The following KCNMA1 variants were observed in gnomAD, a reference collection of about 807,000 sequenced individuals.
The protein encoded by KCNMA1 is Calcium-activated potassium channel subunit alpha-1.
Under a neutral mutation model 140.0 loss-of-function variants are expected in KCNMA1, and 29 were observed. The observed-to-expected ratio is 0.21, with a 90% CI of 0.15 to 0.28. KCNMA1 has a LOEUF of 0.28. KCNMA1 is among the 10% of genes least tolerant of loss of function. KCNMA1 has a pLI of 1.00. For missense variants in KCNMA1, 880 were observed against 1,602.2 expected (o/e 0.55, Z 7.70); for synonymous variants, 612 against 611.9 (o/e 1.00, Z 0.00).
chr10:77,116,298 T>C (rs1001975824), intron 6 of KCNMA1, among the ~76,000 whole-genome samples: 2 of 152,138 alleles, frequency 1.3e-5, no homozygotes, highest in African/African-American at 4.8e-5. Context: ...GGCACAGGAT[T>C]CTTGTAGATT....
intron 23 of KCNMA1, among the ~76,000 whole-genome samples, chr10:76,943,737 T>C (rs1436132355): frequency 1.3e-5 from 2 of 152,186 alleles, no homozygotes; most frequent in Non-Finnish European, 2.9e-5. Flanking sequence ...AAGCAAATGT[T>C]AGAAGGCAGT....
intron 15 of KCNMA1, among the ~76,000 whole-genome samples, chr10:77,030,584 A>C: frequency 6.6e-6 from 1 of 152,190 alleles, no homozygotes; most frequent in East Asian, 1.9e-4. Flanking sequence ...AAAGATCTTC[A>C]TTGCTTTTAT....
intron 2 of KCNMA1, among the ~76,000 whole-genome samples, chr10:77,299,964 T>C (rs1303918623): frequency 6.6e-6 from 1 of 152,222 alleles, no homozygotes; most frequent in Admixed American, 6.5e-5. Flanking sequence ...GTAGGGAGGC[T>C]GTGTCCACTG....
rs147186625 is a variant in KCNMA1 at position 77,043,579 on chromosome 10, G to A, written c.1750-3942C>T. Among the ~76,000 whole-genome samples the A allele has an allele frequency of 4.8e-3, 731 of 152,272 alleles. 6 individuals are homozygous for A. Among genetic ancestry groups the A allele is most frequent in the African/African-American group, 0.017 (686 of 41,548 alleles). On this transcript the variant is annotated intron_variant, in intron 14 of 27. Coordinates refer to ENST00000286628, the MANE Select transcript of KCNMA1 (RefSeq NM_001161352.2). ...GCAGCATTAGTCATAATATCTAAGA[G>A]GTGGAAGCACCCCAAGTGTCCATGG...
intron 2 of KCNMA1, among the ~76,000 whole-genome samples, chr10:77,387,753 G>A (rs967196000): frequency 6.6e-6 from 1 of 151,986 alleles, no homozygotes; most frequent in Non-Finnish European, 1.5e-5. Context: ...AAGTAGCTGA[G>A]ACTACAGGTG....
intron 19 of KCNMA1, chr10:76,974,052 C>T (rs2076824413): frequency 1.3e-5 from 2 of 153,650 alleles, no homozygotes; most frequent in Admixed American, 1.3e-4. Context: ...AGCAAATAAA[C>T]TCAGAAACGT....
rs373677230 is a variant in KCNMA1, at chr10:77,637,667, G to A, written c.-25C>T. On this transcript the variant is annotated 5_prime_UTR_variant, in exon 1 of 28. Transcript: ENST00000286628. The stretch of plus-strand genomic sequence containing the variant: ...TAGCTAGCAACGGGCAGCCGGCGCA[G>A]GGGCTCGGGGGAGCTCCTCCCGCCG... 5.9e-5 allele frequency: 87 copies of A among 1,469,380 alleles called. No individual in the cohort carries two copies. The highest frequency in any genetic ancestry group is 4.8e-4 in the East Asian group (19 of 39,302). 91.0% of individuals were successfully genotyped at this position (1,469,380 alleles called of 1,614,324 possible).
intron 3 of KCNMA1, among the ~76,000 whole-genome samples, chr10:77,222,053 C>T (rs910103612): frequency 2.6e-5 from 4 of 152,060 alleles, no homozygotes; most frequent in African/African-American, 4.8e-5. Flanking sequence ...CAAAATAATA[C>T]GAGAAAGCAC....
rs548304782 is a variant in KCNMA1, at chr10:76,981,663, C to G, written c.2267-11596G>C. ...CCTTTCACCTGACTACTTGACCACC[C>G]TTGAAGGGACAGCCTAGGCTGCCTC... On this transcript the variant is annotated intron_variant, in intron 19 of 27. Transcript: ENST00000286628. Among the ~76,000 whole-genome samples the G allele has an allele frequency of 3.9e-5, 6 of 152,282 alleles. No homozygotes were observed. The South Asian group carries it at 1.2e-3, about 32-fold the overall frequency.
Position 77,496,218 on chromosome 10 carries a change from C to A in KCNMA1, c.379-92195G>T, listed in dbSNP as rs1439647083. On this transcript the variant is annotated intron_variant, in intron 1 of 27. Coordinates refer to ENST00000286628, the MANE Select transcript of KCNMA1 (RefSeq NM_001161352.2). ...TTGACAACAGAATCCTGTCTGTCAC[C>A]CTCCTCACCAGGTGCGGGTCTTCAA... is the stretch of plus-strand genomic sequence containing the variant. Among the ~76,000 whole-genome samples the A allele has an allele frequency of 2.0e-5, 3 of 152,246 alleles. No individual in the cohort carries two copies. The South Asian group carries it at 6.2e-4, about 32-fold the overall frequency.
chr10:77,184,483 G>C (rs958315381), intron 4 of KCNMA1, among the ~76,000 whole-genome samples: 2 of 152,202 alleles, frequency 1.3e-5, no homozygotes, highest in Non-Finnish European at 2.9e-5. Context: ...GCCTCCCAAA[G>C]CTGGGATTAC....
At chr10:77,404,425 C>T (rs971813539) in intron 1 of KCNMA1, among the ~76,000 whole-genome samples, 4 of 151,980 alleles carry the variant, frequency 2.6e-5, no homozygotes, top group Admixed American at 6.6e-5. Context: ...ATTACAGGCG[C>T]GCGGCCACCA....
At chr10:76,877,711 T>TAA (rs568061212), downstream of KCNMA1, 3 of 1,546,862 alleles carry the variant, frequency 1.9e-6, no homozygotes, top group Non-Finnish European at 2.6e-6. Flanking sequence ...TGTCAGGCTT[T>TAA]AAAAAAATAG....
intron 1 of KCNMA1, among the ~76,000 whole-genome samples, chr10:77,585,786 G>C (rs2077116059): frequency 6.6e-6 from 1 of 152,028 alleles, no homozygotes; most frequent in Non-Finnish European, 1.5e-5. Context: ...ATCCATATAG[G>C]TATACTATAT....
chr10:77,172,984 C>T (rs2098721639), intron 5 of KCNMA1, among the ~76,000 whole-genome samples: 1 of 152,096 alleles, frequency 6.6e-6, no homozygotes, highest in Non-Finnish European at 1.5e-5. Flanking sequence ...GAGGGCTCCA[C>T]CCTCATGATC....
chr10:77,388,648 G>A (rs914321794), intron 2 of KCNMA1, among the ~76,000 whole-genome samples: 1 of 152,132 alleles, frequency 6.6e-6, no homozygotes, highest in Non-Finnish European at 1.5e-5. Flanking sequence ...ACCACCTATG[G>A]CAAAAGGATT....
chr10:77,033,919 C>T (rs1312456801), intron 15 of KCNMA1, among the ~76,000 whole-genome samples: 2 of 152,048 alleles, frequency 1.3e-5, no homozygotes, highest in Non-Finnish European at 2.9e-5. Context: ...ATGAATAGAG[C>T]CAGTTCTGTG....
intron 23 of KCNMA1, among the ~76,000 whole-genome samples, chr10:76,933,785 G>C (rs1362203786): frequency 6.6e-6 from 1 of 151,970 alleles, no homozygotes; most frequent in African/African-American, 2.4e-5. Flanking sequence ...GGACTATCCT[G>C]CTTTTCTGGA....
chr10:77,496,956 A>G (rs563818408), intron 1 of KCNMA1, among the ~76,000 whole-genome samples: 1 of 152,236 alleles, frequency 6.6e-6, no homozygotes, highest in Middle Eastern at 3.4e-3. Flanking sequence ...CTCTTCCTGA[A>G]TCCTTTGTCC....
Sources: allele counts gnomAD v4.1 joint callset (sites outside exome capture counted in the v4.1 genomes callset), GRCh38; gene constraint gnomAD v4.1.1; transcripts MANE v1.5; gene names NCBI Gene and HGNC (gene_info 2026-07-23, HGNC 2026-07-21).